Variants in UBAC2 observed in about 807,000 individuals in gnomAD.
The protein encoded by UBAC2 is UBA domain containing 2.
Under a neutral mutation model 44.0 loss-of-function variants are expected in UBAC2, and 26 were observed. That is an observed-to-expected ratio of 0.59 (90% CI 0.43 to 0.82). The LOEUF is 0.82. Among genes scored for constraint, UBAC2 ranks in the 40% least tolerant of loss-of-function variants. The pLI is 0.00. For synonymous variants in UBAC2, 155 were observed against 154.3 expected, an observed-to-expected ratio of 1.00 and a Z score of -0.04; for missense variants, 329 against 419.4, an observed-to-expected ratio of 0.78 and a Z score of 1.88.
chr13:99,226,349 G>A (rs539243023), intron 1 of UBAC2, among the ~76,000 whole-genome samples: 2 of 152,088 alleles, frequency 1.3e-5, no homozygotes, highest in Non-Finnish European at 2.9e-5. Context: ...CATGCACCCG[G>A]TTAGTCAGCA....
At chr13:99,294,994 TA>T in intron 4 of UBAC2, 1 of 1,510,636 alleles carries the variant, frequency 6.6e-7, no homozygotes, top group Admixed American at 2.2e-5. Flanking sequence ...TATTTTGCTT[TA>T]TAAGGGAAGT....
At chr13:99,364,521 C>T (rs961041681) in intron 7 of UBAC2, among the ~76,000 whole-genome samples, 13 of 151,500 alleles carry the variant, frequency 8.6e-5, no homozygotes, top group African/African-American at 2.7e-4. Context: ...TATGCTAGTC[C>T]CAAAAAATTA....
At chr13:99,211,887 C>G (rs866704577) in intron 1 of UBAC2, among the ~76,000 whole-genome samples, 1 of 152,172 alleles carries the variant, frequency 6.6e-6, no homozygotes, top group African/African-American at 2.4e-5. Flanking sequence ...TTTCCCTCAT[C>G]CCCTTGGGAC....
At chr13:99,348,014 T>C (rs2045018224) in intron 7 of UBAC2, among the ~76,000 whole-genome samples, 1 of 152,112 alleles carries the variant, frequency 6.6e-6, no homozygotes, top group South Asian at 2.1e-4. Context: ...GCTGACTCAC[T>C]CTTGTCTCCC....
intron 2 of UBAC2, among the ~76,000 whole-genome samples, chr13:99,243,534 A>G (rs1213623052): frequency 6.6e-6 from 1 of 152,142 alleles, no homozygotes; most frequent in Non-Finnish European, 1.5e-5. Context: ...ATTTTAAAAA[A>G]TCTTACTAAA....
intron 6 of UBAC2, among the ~76,000 whole-genome samples, chr13:99,327,903 C>A (rs538436915): frequency 6.6e-6 from 1 of 151,860 alleles, no homozygotes; most frequent in Admixed American, 6.6e-5. Context: ...GTGTATAGTT[C>A]GTTGAACTTT....
intron 2 of UBAC2, 27 bp from the exon 3 acceptor site, chr13:99,243,805 A>G (rs779640592): frequency 9.7e-6 from 15 of 1,544,964 alleles, no homozygotes; most frequent in Non-Finnish European, 1.3e-5. Flanking sequence ...ACTCTTGTTT[A>G]TTGTTCTTTT....
At chr13:99,249,400 C>T (rs2043430265) in intron 4 of UBAC2, among the ~76,000 whole-genome samples, 1 of 152,196 alleles carries the variant, frequency 6.6e-6, no homozygotes, top group East Asian at 1.9e-4. Context: ...CATAATATTC[C>T]ATGGTGTGTA....
chr13:99,318,736 G>A (rs1166652001), intron 6 of UBAC2, among the ~76,000 whole-genome samples: 1 of 150,862 alleles, frequency 6.6e-6, no homozygotes, highest in East Asian at 2.0e-4. Context: ...CAGGAGAATG[G>A]CGTGGAACCC....
Position 99,243,954 on chromosome 13 carries a change from A to T in UBAC2, c.279+3A>T. 1 of 1,527,432 alleles carries T rather than the reference A, an allele frequency of 6.5e-7. No homozygotes were observed. Among genetic ancestry groups the T allele is most frequent in the Non-Finnish European group, 8.8e-7 (1 of 1,139,064 alleles). The allele number at this position is 1,527,432 out of a possible 1,614,324, so 94.6% of individuals were successfully genotyped here. A position where few individuals can be genotyped will look rare whatever the true frequency, so the allele number is the denominator to read the frequency against. ...GATATGGAAGCAGAAAATTTGCAGTAAGTTTTTATGTATTTTGTCTTTGCT... is the reference window on the plus strand; with the variant it reads ...GATATGGAAGCAGAAAATTTGCAGTTAGTTTTTATGTATTTTGTCTTTGCT... On this transcript the variant is annotated splice_donor_region_variant and intron_variant, in intron 3 of 8. Transcript: ENST00000403766.
intron 4 of UBAC2, among the ~76,000 whole-genome samples, chr13:99,250,257 A>G (rs758490453): frequency 1.3e-5 from 2 of 152,162 alleles, no homozygotes; most frequent in Non-Finnish European, 2.9e-5. Context: ...AGGTAGGGGT[A>G]CAGTTTCATT....
At chr13:99,261,594 A>G (rs1300664245) in intron 4 of UBAC2, 1 of 152,212 alleles carries the variant, frequency 6.6e-6, no homozygotes, top group African/African-American at 2.4e-5. Context: ...TTAAAGATGT[A>G]TAGACATGTA....
chr13:99,247,209 GTTTTGT>G (rs1566466298), intron 4 of UBAC2, among the ~76,000 whole-genome samples: 1 of 143,296 alleles, frequency 7.0e-6, no homozygotes. Flanking sequence ...TTTTTTTTTT[GTTTTGT>G]TTTGTTTTGT....
At chr13:99,254,634 C>T (rs934179845) in intron 4 of UBAC2, 1 of 387,064 alleles carries the variant, frequency 2.6e-6, no homozygotes, top group African/African-American at 2.1e-5. Context: ...ACATGTGTCG[C>T]TTGCACATAG....
At chr13:99,347,896 G>A (rs2045016179) in intron 7 of UBAC2, among the ~76,000 whole-genome samples, 1 of 152,010 alleles carries the variant, frequency 6.6e-6, no homozygotes, top group Non-Finnish European at 1.5e-5. Flanking sequence ...GCTGCAGCCT[G>A]TGGTGCCCAC....
intron 4 of UBAC2, among the ~76,000 whole-genome samples, chr13:99,305,981 C>A (rs1212029816): frequency 6.6e-6 from 1 of 152,086 alleles, no homozygotes; most frequent in Non-Finnish European, 1.5e-5. Flanking sequence ...CTGCAACCTC[C>A]GCCTCCCAGG....
chr13:99,330,105 C>G (rs953985823), intron 6 of UBAC2, among the ~76,000 whole-genome samples: 1 of 152,084 alleles, frequency 6.6e-6, no homozygotes, highest in South Asian at 2.1e-4. Context: ...TATGTTGATG[C>G]TATTATAAGT....
intron 7 of UBAC2, among the ~76,000 whole-genome samples, chr13:99,360,207 C>T (rs567300344): frequency 1.3e-5 from 2 of 152,324 alleles, no homozygotes; most frequent in African/African-American, 4.8e-5. Flanking sequence ...TTCCATCCAT[C>T]ACAGCCCTCC....
intron 7 of UBAC2, among the ~76,000 whole-genome samples, chr13:99,365,650 T>A (rs1006561514): frequency 6.6e-6 from 1 of 152,204 alleles, no homozygotes; most frequent in African/African-American, 2.4e-5. Flanking sequence ...TATGATTTGG[T>A]ATTTGTGAAT....
Sources: gnomAD v4.1 joint callset for allele counts (sites outside exome capture counted in the v4.1 genomes callset) on GRCh38, gnomAD v4.1.1 for gene constraint, MANE v1.5 for transcripts, NCBI Gene and HGNC (gene_info 2026-07-23, HGNC 2026-07-21) for gene names.